The following CACHD1 variants were observed in gnomAD, a reference collection of about 807,000 sequenced individuals.
CACHD1 encodes the protein VWFA and cache domain-containing protein 1.
A neutral mutation model predicts 138.7 loss-of-function variants in CACHD1; 71 were observed. The ratio of observed to expected loss-of-function variants is 0.51; its 90% CI spans 0.42 to 0.62. The LOEUF (loss-of-function observed/expected upper bound fraction) is 0.62. Among genes scored for constraint, CACHD1 ranks in the 20% least tolerant of loss-of-function variants. The pLI, the probability that CACHD1 is intolerant of heterozygous loss-of-function variation, is 0.00. For synonymous variants in CACHD1, 578 were observed against 591.5 expected, an observed-to-expected ratio of 0.98 and a Z score of 0.33; for missense variants, 1,389 against 1,625.3, an observed-to-expected ratio of 0.85 and a Z score of 2.50.
intron 1 of CACHD1, among the ~76,000 whole-genome samples, chr1:64,524,351 T>C (rs929278691): frequency 2.6e-5 from 4 of 152,180 alleles, no homozygotes; most frequent in African/African-American, 9.7e-5. Flanking sequence ...TAGGACAATT[T>C]TTCATCTTTT....
At chr1:64,633,984 T>C (rs985480642) in intron 6 of CACHD1, 60 bp from the exon 7 acceptor site, 147 of 1,366,552 alleles carry the variant, frequency 1.1e-4, no homozygotes, top group Non-Finnish European at 1.2e-4. Context: ...CATAAATAAA[T>C]AAATCTTTAG....
chr1:64,680,262 G>A (rs572406412), intron 24 of CACHD1, among the ~76,000 whole-genome samples: 12 of 152,252 alleles, frequency 7.9e-5, no homozygotes, highest in Admixed American at 3.9e-4. Flanking sequence ...GCCGAGGTGG[G>A]TGGATCATTT....
At chr1:64,532,021 A>G (rs1415331407) in intron 1 of CACHD1, among the ~76,000 whole-genome samples, 3 of 152,218 alleles carry the variant, frequency 2.0e-5, no homozygotes, top group African/African-American at 7.2e-5. Context: ...AGGACTAGAT[A>G]TGTAAACAAA....
intron 1 of CACHD1, among the ~76,000 whole-genome samples, chr1:64,508,852 C>T (rs927832469): frequency 2.6e-5 from 4 of 152,110 alleles, no homozygotes; most frequent in African/African-American, 9.7e-5. Flanking sequence ...TAAGTTGCCT[C>T]CCTAGTTCAT....
At chr1:64,631,766 C>T (rs1570433894) in intron 5 of CACHD1, among the ~76,000 whole-genome samples, 2 of 152,220 alleles carry the variant, frequency 1.3e-5, no homozygotes, top group East Asian at 1.9e-4. Context: ...CTGCCCCCAA[C>T]CCCCTTTTTT....
At chr1:64,676,040 AC>A in intron 21 of CACHD1, 57 bp downstream of exon 21, 2 of 503,080 alleles carry the variant, frequency 4.0e-6, no homozygotes, top group Non-Finnish European at 5.7e-6. Context: ...TAATAATAAT[AC>A]ATATGTAATA....
chr1:64,499,831 TA>T (rs1646327579), intron 1 of CACHD1, among the ~76,000 whole-genome samples: 2 of 152,206 alleles, frequency 1.3e-5, no homozygotes, highest in South Asian at 4.1e-4. Flanking sequence ...GTTACAGCTT[TA>T]AAAAATTATA....
intron 8 of CACHD1, among the ~76,000 whole-genome samples, chr1:64,643,823 G>A (rs1252524243): frequency 6.6e-6 from 1 of 152,208 alleles, no homozygotes; most frequent in African/African-American, 2.4e-5. Flanking sequence ...GGGCGACAGA[G>A]CAAGACTCCA....
chr1:64,672,361 C>T (rs928406534), intron 17 of CACHD1, among the ~76,000 whole-genome samples: 2 of 151,988 alleles, frequency 1.3e-5, no homozygotes, highest in Non-Finnish European at 2.9e-5. Context: ...TTGTTTCTAT[C>T]AAATATAGAT....
intron 1 of CACHD1, among the ~76,000 whole-genome samples, chr1:64,482,492 T>A (rs960812102): frequency 6.6e-6 from 1 of 152,214 alleles, no homozygotes; most frequent in African/African-American, 2.4e-5. Flanking sequence ...TTCTGCTCCC[T>A]TTCTAGGGGA....
At chr1:64,536,651 C>T (rs981081737) in intron 1 of CACHD1, among the ~76,000 whole-genome samples, 25 of 152,164 alleles carry the variant, frequency 1.6e-4, no homozygotes, top group Admixed American at 1.0e-3. Context: ...ACCTCCTGCA[C>T]GCTTGATTTC....
At chr1:64,671,543 A>T in intron 16 of CACHD1, 21 bp from the exon 17 acceptor site, 1 of 1,613,518 alleles carries the variant, frequency 6.2e-7, no homozygotes, top group Non-Finnish European at 8.5e-7. Flanking sequence ...TATTGTTCTC[A>T]TTGATCTTTT....
intron 2 of CACHD1, among the ~76,000 whole-genome samples, chr1:64,581,349 A>G (rs1001920663): frequency 5.3e-5 from 8 of 152,214 alleles, no homozygotes; most frequent in South Asian, 4.1e-4. Flanking sequence ...CTATAATTCT[A>G]TCAGTCATTT....
intron 2 of CACHD1, among the ~76,000 whole-genome samples, chr1:64,577,157 A>C (rs1051073943): frequency 2.6e-5 from 4 of 151,920 alleles, no homozygotes; most frequent in African/African-American, 4.8e-5. Context: ...TGTTGCCCAG[A>C]CTGGTCTTGA....
At chr1:64,683,877 T>C (rs990171567) in intron 26 of CACHD1, among the ~76,000 whole-genome samples, 2 of 152,230 alleles carry the variant, frequency 1.3e-5, no homozygotes, top group East Asian at 1.9e-4. Context: ...GTCCCTGTGA[T>C]GCCTAGAGGC....
chr1:64,566,576 C>A (rs1646884506), intron 2 of CACHD1, among the ~76,000 whole-genome samples: 1 of 144,962 alleles, frequency 6.9e-6, no homozygotes, highest in Non-Finnish European at 1.5e-5. Context: ...CCTAGCAATT[C>A]CTCTTATTTG....
chr1:64,501,462 A>T (rs1646339697), intron 1 of CACHD1, among the ~76,000 whole-genome samples: 2 of 152,152 alleles, frequency 1.3e-5, no homozygotes, highest in African/African-American at 4.8e-5. Context: ...GATTTATTTT[A>T]GTCTAGGTTC....
In CACHD1 at chr1:64,675,416, C is replaced by T; in HGVS notation, c.2743C>T (p.Leu915Phe). 1 of 1,598,676 alleles carries T rather than the reference C, an allele frequency of 6.3e-7. No homozygotes were observed. Among genetic ancestry groups the T allele is most frequent in the Non-Finnish European group, 8.6e-7 (1 of 1,167,852 alleles). The change falls in exon 20 of 27, where the codon CTT becomes TTT. Residue 915 changes from leucine to phenylalanine, a missense_variant. Transcript: ENST00000651257. ...NTSLAGDLTNLVHGSHCSKYR... is the reference protein window; with the variant it reads ...NTSLAGDLTNFVHGSHCSKYR... Reference sequence around the variant, plus strand: ...TGTTCTGTAGGGGGATTTGACGAACCTTGTGCATGGCAGCCACTGTTCCAA... The same window carrying T: ...TGTTCTGTAGGGGGATTTGACGAACTTTGTGCATGGCAGCCACTGTTCCAA...
chr1:64,488,609 C>T (rs1326710598), intron 1 of CACHD1, among the ~76,000 whole-genome samples: 2 of 152,134 alleles, frequency 1.3e-5, no homozygotes, highest in Admixed American at 1.3e-4. Context: ...TCTTCCATTT[C>T]GTTAGAATTT....
Sources: gnomAD v4.1 joint callset for allele counts (sites outside exome capture counted in the v4.1 genomes callset) on GRCh38, gnomAD v4.1.1 for gene constraint, MANE v1.5 for transcripts, NCBI Gene and HGNC (gene_info 2026-07-23, HGNC 2026-07-21) for gene names.